Variants in ZCCHC2 observed in about 807,000 individuals in gnomAD.
ZCCHC2 encodes zinc finger CCHC domain-containing protein 2.
In ZCCHC2, 39 loss-of-function variants were observed where a neutral mutation model predicts 103.6. The ratio of observed to expected loss-of-function variants is 0.38; its 90% CI spans 0.29 to 0.49. ZCCHC2 has a LOEUF of 0.49. Among genes scored for constraint, ZCCHC2 ranks in the 20% least tolerant of loss-of-function variants. The pLI is 0.96. For synonymous variants in ZCCHC2, 687 were observed against 608.9 expected (o/e 1.13, Z -1.89); for missense variants, 1,483 against 1,491.0 (o/e 0.99, Z 0.09).
chr18:62,556,875 T>A (rs1445579149), intron 6 of ZCCHC2, among the ~76,000 whole-genome samples: 2 of 152,210 alleles, frequency 1.3e-5, no homozygotes, highest in Non-Finnish European at 2.9e-5. Context: ...CTCTGATCTA[T>A]CCCTGGATTA....
chr18:62,529,330 C>A (rs1163735533), intron 1 of ZCCHC2, among the ~76,000 whole-genome samples: 1 of 152,138 alleles, frequency 6.6e-6, no homozygotes, highest in East Asian at 1.9e-4. Flanking sequence ...TTCCCTCCCG[C>A]CACTCTGGGA....
At position 62,524,011 on chromosome 18, in the gene ZCCHC2, C is replaced by T. The variant is rs1262995780; in HGVS notation, c.587C>T (p.Pro196Leu). 3.4e-6 allele frequency: 5 copies of T among 1,481,532 alleles called. No homozygotes were observed. The highest frequency in any genetic ancestry group is 3.6e-6 in the Non-Finnish European group (4 of 1,125,090). 91.8% of individuals were successfully genotyped at this position (1,481,532 alleles called of 1,614,324 possible). A position where few individuals can be genotyped will look rare whatever the true frequency, so the allele number is the denominator to read the frequency against. Residue 196 changes from proline to leucine, a missense_variant, in exon 1 of 14, where the codon CCC becomes CTC. Transcript: ENST00000269499. ...GCTGGCCGTCTGCACCGCCTGCTAC[C>T]CCAGGTGGACTCGGTGCTCAAAAGC... ...EAAGRLHRLL[P>L]QVDSVLKSLR...
At chr18:62,579,868 G>A (rs568129700), downstream of ZCCHC2, among the ~76,000 whole-genome samples, 113 of 151,874 alleles carry the variant, frequency 7.4e-4, no homozygotes, top group African/African-American at 2.5e-3. Flanking sequence ...GATTACAGGC[G>A]TCTACCACCA....
chr18:62,560,532 T>C (rs1916070489), intron 7 of ZCCHC2, 55 bp from the exon 8 acceptor site: 1 of 1,422,642 alleles, frequency 7.0e-7, no homozygotes, highest in African/African-American at 1.4e-5. Context: ...AGCATCCTAC[T>C]GTTGGTTTTT....
In ZCCHC2 at chr18:62,558,683, G is replaced by A. The variant is rs1305880273; in HGVS notation, c.1409-4G>A. 1 of 1,493,300 alleles carries A rather than the reference G, an allele frequency of 6.7e-7. No individual in the cohort carries two copies. The highest frequency in any genetic ancestry group is 1.3e-5 in the South Asian group (1 of 75,530). 92.5% of individuals were successfully genotyped at this position (1,493,300 alleles called of 1,614,324 possible). A position where few individuals can be genotyped will look rare whatever the true frequency, so the allele number is the denominator to read the frequency against. ...AAGTTAATAGTATTGAATGCTTCCT[G>A]CAGATAACTTACAATCCTCTCTGAA... is the stretch of plus-strand genomic sequence containing the variant. On this transcript the variant is annotated splice_polypyrimidine_tract_variant and splice_region_variant and intron_variant, in intron 6 of 13. Coordinates refer to ENST00000269499, the MANE Select transcript of ZCCHC2 (RefSeq NM_017742.6).
chr18:62,531,309 G>A (rs1417615704), intron 1 of ZCCHC2, among the ~76,000 whole-genome samples: 3 of 152,162 alleles, frequency 2.0e-5, no homozygotes, highest in Non-Finnish European at 4.4e-5. Context: ...TGGCTGGGCC[G>A]GGGGTAGTTG....
At chr18:62,567,072 A>G (rs116010599) in intron 11 of ZCCHC2, among the ~76,000 whole-genome samples, 2,154 of 152,288 alleles carry the variant, frequency 0.014, 53 homozygotes, top group African/African-American at 0.049. Flanking sequence ...ACCGATTTGT[A>G]TGTATTTACA....
Position 62,576,610 on chromosome 18 carries a change from C to G in ZCCHC2, c.*31C>G. On this transcript the variant is annotated 3_prime_UTR_variant, in exon 14 of 14. Transcript: ENST00000269499. Reference sequence around the variant, plus strand: ...GTAAAGCTTGCCTACTTAATACACTCAAGTGTGGGGAGTCATGGGGTGTGG... The same window carrying G: ...GTAAAGCTTGCCTACTTAATACACTGAAGTGTGGGGAGTCATGGGGTGTGG... 6.3e-7 allele frequency: 1 copy of G among 1,597,202 alleles called. No individual in the cohort carries two copies. Among genetic ancestry groups the G allele is most frequent in the Non-Finnish European group, 8.6e-7 (1 of 1,165,534 alleles).
chr18:62,578,771 A>C (rs1301408632), downstream of ZCCHC2, among the ~76,000 whole-genome samples: 3 of 151,936 alleles, frequency 2.0e-5, no homozygotes, highest in African/African-American at 7.3e-5. Context: ...CCCCCAAATA[A>C]CCTTTTTGTT....
intron 1 of ZCCHC2, among the ~76,000 whole-genome samples, chr18:62,534,200 AC>A (rs1336019332): frequency 6.6e-6 from 1 of 151,860 alleles, no homozygotes; most frequent in Non-Finnish European, 1.5e-5. Flanking sequence ...AGTCCTAGCT[AC>A]TCAAGAGACG....
chr18:62,568,994 A>G (rs1333204228), intron 11 of ZCCHC2, among the ~76,000 whole-genome samples: 1 of 152,208 alleles, frequency 6.6e-6, no homozygotes, highest in Non-Finnish European at 1.5e-5. Flanking sequence ...ACTTTTCTGT[A>G]AAATTGTTAC....
chr18:62,567,716 C>T lies in ZCCHC2; in HGVS notation c.1847-2387C>T, dbSNP rs182867030. On this transcript the variant is annotated intron_variant, in intron 11 of 13. Coordinates refer to ENST00000269499, the MANE Select transcript of ZCCHC2 (RefSeq NM_017742.6). ...CCCAGCACTTTGGGAGGCTGGGGCC[C>T]GGTGGATCACTTGAGGTCAGGAATT... Among the ~76,000 whole-genome samples, 238 of 152,026 alleles carry T rather than the reference C, an allele frequency of 1.6e-3. 1 individual carries two copies. The highest frequency in any genetic ancestry group is 2.9e-3 in the Non-Finnish European group (196 of 67,978).
intron 9 of ZCCHC2, among the ~76,000 whole-genome samples, chr18:62,564,022 C>A (rs1193957477): frequency 6.6e-6 from 1 of 152,170 alleles, no homozygotes; most frequent in Non-Finnish European, 1.5e-5. Context: ...AAAATTGATT[C>A]ATTAACCCGA....
In ZCCHC2 at chr18:62,574,121, T is replaced by C. The variant is rs761216135; in HGVS notation, c.2040T>C (p.Ser680=). 1 of 1,614,056 alleles carries C rather than the reference T, an allele frequency of 6.2e-7. No individual in the cohort carries two copies. Among genetic ancestry groups the C allele is most frequent in the Admixed American group, 1.7e-5 (1 of 60,034 alleles). The change falls in exon 13 of 14, where the codon TCT becomes TCC. Residue 680 remains serine, a synonymous_variant. Coordinates refer to ENST00000269499, the MANE Select transcript of ZCCHC2 (RefSeq NM_017742.6). ...CAACTAGGTTTACAGGTTACGGTTCTGTCAACCAGACTGTCACTGTCAAGC... is the reference window on the plus strand; with the variant it reads ...CAACTAGGTTTACAGGTTACGGTTCCGTCAACCAGACTGTCACTGTCAAGC... ...PSTTRFTGYG[S]VNQTVTVKPP...
chr18:62,573,844 TG>T (rs1400570232), intron 12 of ZCCHC2, among the ~76,000 whole-genome samples: 1 of 152,248 alleles, frequency 6.6e-6, no homozygotes, highest in Non-Finnish European at 1.5e-5. Context: ...TTTTGTTTTC[TG>T]TTTATATCCC....
At chr18:62,580,447 A>G (rs1218777712), downstream of ZCCHC2, among the ~76,000 whole-genome samples, 4 of 152,128 alleles carry the variant, frequency 2.6e-5, no homozygotes, top group Non-Finnish European at 1.5e-5. Flanking sequence ...AGTGATTTAC[A>G]CTCACACCAG....
At chr18:62,572,395 C>T (rs371505030) in intron 12 of ZCCHC2, among the ~76,000 whole-genome samples, 3 of 152,202 alleles carry the variant, frequency 2.0e-5, no homozygotes, top group Admixed American at 6.5e-5. Context: ...CATCCCTCTT[C>T]TGCCATCAGA....
chr18:62,578,956 C>T (rs763732271), downstream of ZCCHC2, among the ~76,000 whole-genome samples: 81 of 152,196 alleles, frequency 5.3e-4, no homozygotes, highest in Non-Finnish European at 9.3e-4. Flanking sequence ...TTAGTAGAAA[C>T]GGGGTTTCAC....
rs771428295 is a variant in ZCCHC2 at position 62,575,107 on chromosome 18, C to T, written c.3026C>T (p.Ser1009Leu). ...GTVVPPQQMG[S>L]GPCGSCGRRC... is the part of the protein sequence containing the mutation. ...GTAGTGCCACCGCAGCAGATGGGCT[C>T]AGGTCCTTGTGGTTCTTGTGGGCGA... Residue 1009 changes from serine (S) to leucine (L), a missense_variant, in exon 13 of 14, where the codon TCA becomes TTA. This residue lies in a region of ZCCHC2 where 884 missense variants were observed against 907.5 expected (regional missense o/e 0.97). Coordinates refer to ENST00000269499, the MANE Select transcript of ZCCHC2 (RefSeq NM_017742.6). 2.5e-6 allele frequency: 4 copies of T among 1,613,906 alleles called. No homozygotes were observed. The highest frequency in any genetic ancestry group is 2.2e-5 in the East Asian group (1 of 44,900).
Sources: allele counts gnomAD v4.1 joint callset (sites outside exome capture counted in the v4.1 genomes callset), GRCh38; gene constraint gnomAD v4.1.1; regional missense constraint gnomAD v4.1.1; transcripts MANE v1.5; gene names NCBI Gene and HGNC (gene_info 2026-07-23, HGNC 2026-07-21).